SLC9A9: variants seen among roughly 807,000 people sequenced by gnomAD.
SLC9A9 encodes sodium/hydrogen exchanger 9.
In SLC9A9, 62 loss-of-function variants were observed where a neutral mutation model predicts 77.8. That is an observed-to-expected ratio of 0.80 (90% confidence interval 0.65 to 0.98). SLC9A9 has a LOEUF of 0.98. Ranked by LOEUF, SLC9A9 falls within the 50% of genes least tolerant of loss-of-function variation. SLC9A9 has a pLI of 0.00. For synonymous variants in SLC9A9, 320 were observed against 283.5 expected (o/e 1.13, Z -1.29); for missense variants, 775 against 774.9 (o/e 1.00, Z 0.00).
intron 12 of SLC9A9, among the ~76,000 whole-genome samples, chr3:143,394,764 C>CA (rs1326302181): frequency 6.6e-6 from 1 of 152,180 alleles, no homozygotes; most frequent in Non-Finnish European, 1.5e-5. Context: ...TCTCAGGATA[C>CA]AAAATCAATG....
intron 9 of SLC9A9, among the ~76,000 whole-genome samples, chr3:143,497,544 T>C (rs2035856155): frequency 6.6e-6 from 1 of 152,122 alleles, no homozygotes; most frequent in African/African-American, 2.4e-5. Flanking sequence ...GGATGAGAAA[T>C]CAGAAAGATG....
intron 14 of SLC9A9, chr3:143,342,372 A>G (rs2032127079): frequency 1.3e-5 from 2 of 152,182 alleles, no homozygotes; most frequent in Admixed American, 1.3e-4. Flanking sequence ...TTTAGTAGAG[A>G]CAGGGTTTTG....
At chr3:143,738,325 G>T (rs1228503727) in intron 4 of SLC9A9, among the ~76,000 whole-genome samples, 7 of 152,102 alleles carry the variant, frequency 4.6e-5, no homozygotes. Context: ...TCTGGATGGG[G>T]TCATTAATTC....
intron 14 of SLC9A9, among the ~76,000 whole-genome samples, chr3:143,311,381 G>A (rs1219460014): frequency 1.3e-5 from 2 of 152,166 alleles, no homozygotes; most frequent in African/African-American, 2.4e-5. Flanking sequence ...AATGACTTAA[G>A]GGCATACAAT....
At chr3:143,679,731 A>G (rs1169075962) in intron 5 of SLC9A9, among the ~76,000 whole-genome samples, 1 of 152,202 alleles carries the variant, frequency 6.6e-6, no homozygotes, top group Non-Finnish European at 1.5e-5. Flanking sequence ...CTAAAGGAAC[A>G]TGAGCAAAAG....
intron 6 of SLC9A9, among the ~76,000 whole-genome samples, chr3:143,581,303 G>A (rs2037448225): frequency 6.6e-6 from 1 of 152,136 alleles, no homozygotes; most frequent in Non-Finnish European, 1.5e-5. Flanking sequence ...AAAGATGGGT[G>A]AGGCAGCATT....
chr3:143,373,605 T>TAAAAAAAAAAAAAA (rs67376157), intron 13 of SLC9A9, among the ~76,000 whole-genome samples: 4 of 58,612 alleles, frequency 6.8e-5, no homozygotes, highest in Non-Finnish European at 9.2e-5. Flanking sequence ...ACTGAAATAG[T>TAAAAAAAAAAAAAA]AAAAAAAAAA....
chr3:143,788,749 C>A, intron 4 of SLC9A9, among the ~76,000 whole-genome samples: 1 of 142,922 alleles, frequency 7.0e-6, no homozygotes, highest in African/African-American at 2.6e-5. Flanking sequence ...CATGCATAAG[C>A]ATGTATGAAG....
chr3:143,295,454 C>A (rs972472382), intron 14 of SLC9A9, among the ~76,000 whole-genome samples: 1 of 152,178 alleles, frequency 6.6e-6, no homozygotes, highest in East Asian at 1.9e-4. Flanking sequence ...CTTGGGCTAG[C>A]GCATTAACCA....
intron 6 of SLC9A9, among the ~76,000 whole-genome samples, chr3:143,615,072 C>T (rs1389058987): frequency 6.6e-6 from 1 of 152,146 alleles, no homozygotes; most frequent in Non-Finnish European, 1.5e-5. Context: ...CTTGGTGCTG[C>T]TGGCAGCAGC....
At chr3:143,622,373 G>A (rs1227297193) in intron 6 of SLC9A9, among the ~76,000 whole-genome samples, 19 of 152,214 alleles carry the variant, frequency 1.2e-4, no homozygotes, top group South Asian at 1.2e-3. Context: ...GAGAAAGGTC[G>A]GGTTACCCAC....
intron 12 of SLC9A9, among the ~76,000 whole-genome samples, chr3:143,388,239 A>G (rs1185225306): frequency 6.6e-6 from 1 of 152,200 alleles, no homozygotes; most frequent in African/African-American, 2.4e-5. Context: ...ATTTGACTAA[A>G]TAATCCTGGA....
intron 1 of SLC9A9, among the ~76,000 whole-genome samples, chr3:143,841,002 T>C (rs371615203): frequency 1.3e-5 from 2 of 152,164 alleles, no homozygotes; most frequent in East Asian, 1.9e-4. Context: ...TAAGGTACCA[T>C]CATCTGGCAC....
intron 4 of SLC9A9, among the ~76,000 whole-genome samples, chr3:143,760,451 C>G (rs567627400): frequency 2.0e-5 from 3 of 152,132 alleles, no homozygotes; most frequent in Non-Finnish European, 4.4e-5. Context: ...AAAACCCCAT[C>G]GTCTCAGCCC....
intron 6 of SLC9A9, among the ~76,000 whole-genome samples, chr3:143,646,822 C>G (rs1263333491): frequency 1.3e-5 from 2 of 152,146 alleles, no homozygotes; most frequent in Non-Finnish European, 2.9e-5. Context: ...GTTCTCAATT[C>G]CCAAACCCTG....
Position 143,765,782 on chromosome 3 carries a change from T to G in SLC9A9, c.533+29219A>C, listed in dbSNP as rs138526390. Among the ~76,000 whole-genome samples, 594 of 152,318 alleles carry G rather than the reference T, an allele frequency of 3.9e-3. 5 individuals are homozygous for G. Among genetic ancestry groups the G allele is most frequent in the African/African-American group, 0.012 (502 of 41,574 alleles). Reference sequence around the variant, plus strand: ...CCACTTCCTCACCCTTCCATCCTTTTGCCATGTACCTTTGCAGTGTCCTCT... The same window carrying G: ...CCACTTCCTCACCCTTCCATCCTTTGGCCATGTACCTTTGCAGTGTCCTCT... On this transcript the variant is annotated intron_variant, in intron 4 of 15. Transcript: ENST00000316549.
chr3:143,397,509 C>T (rs16853550), intron 12 of SLC9A9, among the ~76,000 whole-genome samples: 7,442 of 152,210 alleles, frequency 0.049, 245 homozygotes, highest in African/African-American at 0.088. Context: ...GGGGTCTGAG[C>T]GAGAAGTGGA....
At chr3:143,713,756 G>A (rs1934259102) in intron 4 of SLC9A9, among the ~76,000 whole-genome samples, 1 of 152,108 alleles carries the variant, frequency 6.6e-6, no homozygotes, top group African/African-American at 2.4e-5. Context: ...GTGTACTTGA[G>A]GGAGCAAATT....
At chr3:143,608,380 G>A (rs1454100420) in intron 6 of SLC9A9, among the ~76,000 whole-genome samples, 4 of 152,156 alleles carry the variant, frequency 2.6e-5, no homozygotes, top group Non-Finnish European at 5.9e-5. Context: ...CAAGAGCAAG[G>A]CTTTTGGCTG....
Sources: gnomAD v4.1 joint callset for allele counts (sites outside exome capture counted in the v4.1 genomes callset) on GRCh38, gnomAD v4.1.1 for gene constraint, MANE v1.5 for transcripts, NCBI Gene and HGNC (gene_info 2026-07-23, HGNC 2026-07-21) for gene names.